The following AKAP13 variants were observed in gnomAD, a reference collection of about 807,000 sequenced individuals.
The protein encoded by AKAP13 is A-kinase anchor protein 13.
Under a neutral mutation model 264.5 loss-of-function variants are expected in AKAP13, and 80 were observed. That is an observed-to-expected ratio of 0.30 (90% confidence interval 0.25 to 0.36). AKAP13 has a LOEUF of 0.36. Among genes scored for constraint, AKAP13 ranks in the 10% least tolerant of loss-of-function variants. The probability of loss-of-function intolerance (pLI) is 1.00; values close to 1 mark genes in which losing one functional copy is unlikely to be tolerated. For synonymous variants in AKAP13, 1,380 were observed against 1,250.2 expected, an observed-to-expected ratio of 1.10 and a Z score of -2.19; for missense variants, 3,712 against 3,435.2, an observed-to-expected ratio of 1.08 and a Z score of -2.01.
At chr15:85,582,272 C>T (rs1245861659) in intron 7 of AKAP13, among the ~76,000 whole-genome samples, 165 bp downstream of exon 7, 1 of 152,174 alleles carries the variant, frequency 6.6e-6, no homozygotes, top group Admixed American at 6.5e-5. Flanking sequence ...GGCACGTCAT[C>T]TCAGGGTTGG....
chr15:85,460,366 C>T (rs2074461468), intron 1 of AKAP13, among the ~76,000 whole-genome samples: 1 of 152,204 alleles, frequency 6.6e-6, no homozygotes, highest in Non-Finnish European at 1.5e-5. Flanking sequence ...GCATTTTACC[C>T]ATCATTGTAA....
intron 5 of AKAP13, among the ~76,000 whole-genome samples, chr15:85,560,536 C>G (rs1193514471): frequency 6.6e-6 from 1 of 152,126 alleles, no homozygotes; most frequent in Non-Finnish European, 1.5e-5. Context: ...CAGATATTAC[C>G]TCCCATATTG....
intron 1 of AKAP13, chr15:85,390,020 A>C (rs896626431): frequency 6.6e-6 from 1 of 152,342 alleles, no homozygotes; most frequent in East Asian, 1.9e-4. Flanking sequence ...TTTATTTACT[A>C]TGCAGCTTTA....
At chr15:85,471,565 C>T (rs1596284352) in intron 1 of AKAP13, among the ~76,000 whole-genome samples, 1 of 152,152 alleles carries the variant, frequency 6.6e-6, no homozygotes, top group African/African-American at 2.4e-5. Flanking sequence ...TAAAATTCAC[C>T]CATTTTAAGT....
intron 1 of AKAP13, among the ~76,000 whole-genome samples, chr15:85,381,392 G>T (rs894660135): frequency 6.1e-4 from 92 of 152,010 alleles, no homozygotes; most frequent in Admixed American, 5.2e-3. Flanking sequence ...GGTCGCAGGC[G>T]AGCGGCCCAG....
At chr15:85,405,856 CT>C (rs1183932847) in intron 1 of AKAP13, among the ~76,000 whole-genome samples, 6 of 151,844 alleles carry the variant, frequency 4.0e-5, no homozygotes, top group Non-Finnish European at 7.4e-5. Flanking sequence ...CCCCCACCCT[CT>C]TTTTTTTGAG....
chr15:85,644,733 G>T (rs1460365832), intron 9 of AKAP13, among the ~76,000 whole-genome samples: 1 of 150,942 alleles, frequency 6.6e-6, no homozygotes, highest in Non-Finnish European at 1.5e-5. Context: ...AGGCATGGTG[G>T]CACGTGCCTG....
At chr15:85,573,371 C>G (rs574126790) in intron 5 of AKAP13, among the ~76,000 whole-genome samples, 1 of 152,092 alleles carries the variant, frequency 6.6e-6, no homozygotes, top group South Asian at 2.1e-4. Context: ...GGCAAAACCC[C>G]TGTCTCTACT....
chr15:85,717,965 G>T, intron 21 of AKAP13, 42 bp from the exon 22 acceptor site: 1 of 1,598,312 alleles, frequency 6.3e-7, no homozygotes, highest in Non-Finnish European at 8.6e-7. Context: ...TATTTTACAG[G>T]TCACAAACCT....
chr15:85,655,869 A>C, intron 11 of AKAP13, 82 bp downstream of exon 11: 1 of 1,499,114 alleles, frequency 6.7e-7, no homozygotes, highest in Non-Finnish European at 8.8e-7. Flanking sequence ...TGTTGGTAAA[A>C]GAATTTAGGA....
intron 1 of AKAP13, among the ~76,000 whole-genome samples, chr15:85,439,234 G>A (rs2073498564): frequency 6.7e-6 from 1 of 148,910 alleles, no homozygotes; most frequent in African/African-American, 2.5e-5. Context: ...CATCATCACT[G>A]GCCATCAGAG....
chr15:85,545,653 G>C (rs1596485682), intron 5 of AKAP13, among the ~76,000 whole-genome samples: 1 of 152,128 alleles, frequency 6.6e-6, no homozygotes, highest in African/African-American at 2.4e-5. Flanking sequence ...GGATGTTACT[G>C]TTGTGAAGCT....
intron 2 of AKAP13, among the ~76,000 whole-genome samples, chr15:85,506,414 A>G (rs1203022432): frequency 6.6e-6 from 1 of 152,244 alleles, no homozygotes; most frequent in African/African-American, 2.4e-5. Flanking sequence ...GTAGCATTGA[A>G]TAAAACAAAT....
intron 4 of AKAP13, among the ~76,000 whole-genome samples, chr15:85,537,748 A>G (rs1168088229): frequency 6.6e-6 from 1 of 152,194 alleles, no homozygotes; most frequent in Admixed American, 6.5e-5. Context: ...TCTGTTACTT[A>G]ATTTCCTCAT....
chr15:85,707,056 T>C (rs1217044773), intron 17 of AKAP13, among the ~76,000 whole-genome samples: 1 of 152,228 alleles, frequency 6.6e-6, no homozygotes, highest in East Asian at 1.9e-4. Flanking sequence ...TGATGCTTCC[T>C]GAATCAGTCT....
At chr15:85,475,376 A>G (rs529041513) in intron 1 of AKAP13, among the ~76,000 whole-genome samples, 4 of 152,046 alleles carry the variant, frequency 2.6e-5, no homozygotes, top group African/African-American at 9.7e-5. Context: ...CAAAATTCTC[A>G]CCTGTGGAAT....
chr15:85,658,463 G>A (rs2083198653), intron 11 of AKAP13, 74 bp from the exon 12 acceptor site: 1 of 1,288,894 alleles, frequency 7.8e-7, no homozygotes, highest in Non-Finnish European at 1.1e-6. Flanking sequence ...CCAGTGTGGT[G>A]TCTGTATGTT....
chr15:85,474,231 G>A (rs2151029096), intron 1 of AKAP13, among the ~76,000 whole-genome samples: 1 of 152,134 alleles, frequency 6.6e-6, no homozygotes, highest in East Asian at 1.9e-4. Flanking sequence ...AAGCTCATAA[G>A]CCCATTATTT....
intron 1 of AKAP13, among the ~76,000 whole-genome samples, chr15:85,420,163 G>A (rs796259818): frequency 6.6e-6 from 1 of 151,282 alleles, no homozygotes; most frequent in Non-Finnish European, 1.5e-5. Context: ...GGATGGTCTC[G>A]ATCTCCTGAC....
Sources: gnomAD v4.1 joint callset for allele counts (sites outside exome capture counted in the v4.1 genomes callset) on GRCh38, gnomAD v4.1.1 for gene constraint, MANE v1.5 for transcripts, NCBI Gene and HGNC (gene_info 2026-07-23, HGNC 2026-07-21) for gene names.